Variants in VTA1 observed in about 807,000 individuals in gnomAD.
VTA1 encodes the protein vesicle trafficking 1, also known as vacuolar protein sorting-associated protein VTA1 homolog.
Under a neutral mutation model 36.9 loss-of-function variants are expected in VTA1, and 24 were observed. The observed-to-expected ratio is 0.65, with a 90% CI of 0.47 to 0.91. The LOEUF (loss-of-function observed/expected upper bound fraction) is 0.91, where lower values mean the gene tolerates loss of function less well. Among genes scored for constraint, VTA1 ranks in the 40% least tolerant of loss-of-function variants. The probability of loss-of-function intolerance (pLI) is 0.00; values close to 1 mark genes in which losing one functional copy is unlikely to be tolerated. For synonymous variants in VTA1, 142 were observed against 130.2 expected (o/e 1.09, Z -0.62); for missense variants, 393 against 377.2 (o/e 1.04, Z -0.35).
chr6:142,189,497 T>C lies in VTA1; in HGVS notation c.483T>C (p.Thr161=). The stretch of plus-strand genomic sequence containing the variant: ...ATAATTGTTTAAAGAATGGGGAGAC[T>C]CCTCAAGCAGGCCCTGTTGGAATTG... ...YIHNCLKNGE[T]PQAGPVGIEE... Residue 161 remains threonine (T), a synonymous_variant, in exon 5 of 8, where the codon ACT becomes ACC. Transcript: ENST00000367630. 6.2e-7 allele frequency: 1 copy of C among 1,613,852 alleles called. No homozygotes were observed. Among genetic ancestry groups the C allele is most frequent in the Non-Finnish European group, 8.5e-7 (1 of 1,179,864 alleles).
At chr6:142,161,994 C>G (rs1038745511) in intron 1 of VTA1, among the ~76,000 whole-genome samples, 2 of 152,010 alleles carry the variant, frequency 1.3e-5, no homozygotes, top group African/African-American at 2.4e-5. Context: ...TCCAATTCTT[C>G]AATTAAAGAT....
chr6:142,152,339 A>C (rs939815362), intron 1 of VTA1, among the ~76,000 whole-genome samples: 1 of 152,164 alleles, frequency 6.6e-6, no homozygotes, highest in Non-Finnish European at 1.5e-5. Context: ...TCAGCTTAGA[A>C]TTTATTTAAA....
chr6:142,165,865 G>C (rs1196791392), intron 1 of VTA1, among the ~76,000 whole-genome samples: 1 of 152,092 alleles, frequency 6.6e-6, no homozygotes, highest in Non-Finnish European at 1.5e-5. Context: ...TATTTTGTCA[G>C]TATCACTTAT....
At chr6:142,177,133 GTAGA>G (rs1277487629) in intron 4 of VTA1, among the ~76,000 whole-genome samples, 1 of 152,116 alleles carries the variant, frequency 6.6e-6, no homozygotes, top group African/African-American at 2.4e-5. Context: ...AATTATCATA[GTAGA>G]TAAATATGAG....
Position 142,163,459 on chromosome 6 carries a change from C to G in VTA1, c.113-2769C>G, listed in dbSNP as rs193111602. ...TTTGGAGAATACTGGGAAATGTACT[C>G]TTTTGGCTAGGTATGTTACAACTCC... On this transcript the variant is annotated intron_variant, in intron 1 of 7. Transcript: ENST00000367630. Among the ~76,000 whole-genome samples the G allele has an allele frequency of 1.7e-3, 259 of 152,158 alleles. 2 individuals carry two copies. Among genetic ancestry groups the G allele is most frequent in the African/African-American group, 6.0e-3 (250 of 41,510 alleles).
At chr6:142,191,245 C>G (rs528187598) in intron 5 of VTA1, among the ~76,000 whole-genome samples, 1 of 152,106 alleles carries the variant, frequency 6.6e-6, no homozygotes, top group East Asian at 1.9e-4. Context: ...TAAATGCACC[C>G]TGGAAATTTT....
At chr6:142,151,799 T>C (rs225628) in intron 1 of VTA1, among the ~76,000 whole-genome samples, 61,743 of 152,102 alleles carry the variant, frequency 0.41, 13,098 homozygotes, top group Middle Eastern at 0.58. Flanking sequence ...TTTGGGAGGC[T>C]GAGGCAGGCA....
chr6:142,204,966 C>T (rs1312179460), intron 7 of VTA1, among the ~76,000 whole-genome samples: 4 of 152,118 alleles, frequency 2.6e-5, no homozygotes, highest in African/African-American at 9.7e-5. Context: ...CCTCATAATC[C>T]GCCTGCCTCA....
chr6:142,218,471 A>G (rs772258773), intron 7 of VTA1, 27 bp from the exon 8 acceptor site: 2 of 1,609,178 alleles, frequency 1.2e-6, no homozygotes, highest in Non-Finnish European at 1.7e-6. Context: ...ATTCTTATAA[A>G]TATCCCAATT....
At chr6:142,218,465 T>C (rs1442202549) in intron 7 of VTA1, 33 bp from the exon 8 acceptor site, 1 of 1,606,654 alleles carries the variant, frequency 6.2e-7, no homozygotes, top group Non-Finnish European at 8.5e-7. Flanking sequence ...TTTTATATTC[T>C]TATAAATATC....
intron 1 of VTA1, among the ~76,000 whole-genome samples, chr6:142,149,971 G>T (rs956637785): frequency 6.6e-6 from 1 of 151,598 alleles, no homozygotes; most frequent in African/African-American, 2.4e-5. Flanking sequence ...TTATCTCTTT[G>T]TCTTTCTGTG....
chr6:142,164,274 A>G (rs1774868688), intron 1 of VTA1, among the ~76,000 whole-genome samples: 1 of 152,184 alleles, frequency 6.6e-6, no homozygotes, highest in Non-Finnish European at 1.5e-5. Context: ...TCAAATTAGC[A>G]TCCCTTTGTA....
chr6:142,209,164 A>C (rs1775851992), intron 7 of VTA1, among the ~76,000 whole-genome samples: 1 of 152,064 alleles, frequency 6.6e-6, no homozygotes. Flanking sequence ...CCACCAAAAA[A>C]CCGTTAGAAC....
chr6:142,217,221 C>G (rs572396356), intron 7 of VTA1, among the ~76,000 whole-genome samples: 2 of 152,192 alleles, frequency 1.3e-5, no homozygotes, highest in African/African-American at 4.8e-5. Context: ...TATTTGAAGA[C>G]TTACTCTAGC....
chr6:142,176,237 A>T (rs1309142079), intron 4 of VTA1, among the ~76,000 whole-genome samples: 2 of 152,234 alleles, frequency 1.3e-5, no homozygotes, highest in African/African-American at 4.8e-5. Context: ...GTTAAGATTA[A>T]TACTGCCAAG....
At position 142,147,310 on chromosome 6, in the gene VTA1, C is replaced by T. The variant is rs919714688; in HGVS notation, c.23C>T (p.Pro8Leu). MAALAPL[P>L]PLPAQFKSIQ... Reference sequence around the variant, plus strand: ...GAGATGGCCGCGCTTGCACCGCTGCCCCCGCTCCCCGCACAGTTCAAGAGC... The same window carrying T: ...GAGATGGCCGCGCTTGCACCGCTGCTCCCGCTCCCCGCACAGTTCAAGAGC... Residue 8 changes from proline (P) to leucine (L), a missense_variant, in exon 1 of 8, where the codon CCC (proline) becomes CTC (leucine). Transcript: ENST00000367630. 10 of 1,614,042 alleles carry T rather than the reference C, an allele frequency of 6.2e-6. No homozygotes were observed. Among genetic ancestry groups the T allele is most frequent in the Non-Finnish European group, 8.5e-6 (10 of 1,180,030 alleles).
At chr6:142,207,170 A>T (rs1357716709) in intron 7 of VTA1, among the ~76,000 whole-genome samples, 2 of 152,154 alleles carry the variant, frequency 1.3e-5, no homozygotes, top group Non-Finnish European at 2.9e-5. Flanking sequence ...TCAGACTTCC[A>T]CTTTCATGAT....
At chr6:142,212,424 A>G (rs897803595) in intron 7 of VTA1, among the ~76,000 whole-genome samples, 2 of 152,212 alleles carry the variant, frequency 1.3e-5, no homozygotes, top group African/African-American at 2.4e-5. Context: ...TTTAAAAGCT[A>G]TATACTGTAT....
intron 5 of VTA1, among the ~76,000 whole-genome samples, chr6:142,192,551 T>C (rs939964681): frequency 7.2e-5 from 11 of 152,148 alleles, no homozygotes; most frequent in African/African-American, 2.7e-4. Flanking sequence ...CAGAATGATA[T>C]AAAGAATTCC....
Sources: gnomAD v4.1 joint callset for allele counts (sites outside exome capture counted in the v4.1 genomes callset) on GRCh38, gnomAD v4.1.1 for gene constraint, MANE v1.5 for transcripts, NCBI Gene and HGNC (gene_info 2026-07-23, HGNC 2026-07-21) for gene names.